Variants in C11orf58 observed in about 807,000 individuals in gnomAD.
C11orf58 encodes the protein small acidic protein.
Under a neutral mutation model 22.7 loss-of-function variants are expected in C11orf58, and 5 were observed. That is an observed-to-expected ratio of 0.22 (90% confidence interval 0.12 to 0.46). The LOEUF (loss-of-function observed/expected upper bound fraction) is 0.46, where lower values mean the gene tolerates loss of function less well. C11orf58 is among the 20% of genes least tolerant of loss of function. The pLI is 0.99. For missense variants in C11orf58, 151 were observed against 223.3 expected (o/e 0.68, Z 2.06); for synonymous variants, 71 against 70.7 (o/e 1.00, Z -0.02).
At chr11:16,752,982 A>G in intron 4 of C11orf58, 88 bp downstream of exon 4, 1 of 980,860 alleles carries the variant, frequency 1.0e-6, no homozygotes, top group Non-Finnish European at 1.5e-6. Context: ...GCAATCAAGA[A>G]TCCCATGTAG....
Position 16,752,824 on chromosome 11 carries a change from A to C in C11orf58, c.248A>C (p.Gln83Pro), listed in dbSNP as rs746556437. The change falls in exon 4 of 5, where the codon CAA becomes CCA. Residue 83 changes from glutamine to proline, a missense_variant. Physicochemically the swap from Gln to Pro is moderately conservative, Grantham distance 76 (BLOSUM62 -1). Around this residue, in one of 3 missense-constraint regions of C11orf58, gnomAD observed 112 missense variants for 162.6 expected, o/e 0.69. Coordinates refer to ENST00000228136, the MANE Select transcript of C11orf58 (RefSeq NM_014267.6). ...AAAATTAATGAAGAACTGGAGTCTC[A>C]ATATCAGCAAAGTATGGACAGTAAA... Reference protein sequence around the residue: ...DKKINEELESQYQQSMDSKLS... With the variant: ...DKKINEELESPYQQSMDSKLS... 6.2e-7 allele frequency: 1 copy of C among 1,613,224 alleles called. No individual in the cohort carries two copies. Among genetic ancestry groups the C allele is most frequent in the Non-Finnish European group, 8.5e-7 (1 of 1,179,764 alleles).
chr11:16,739,014 G>A (rs1050625703), intron 1 of C11orf58, among the ~76,000 whole-genome samples, 173 bp downstream of exon 1: 11 of 152,112 alleles, frequency 7.2e-5, no homozygotes, highest in African/African-American at 9.7e-5. Flanking sequence ...AGGGTCAGAA[G>A]GTTTGAAGAG....
chr11:16,744,748 T>G (rs1848475400), intron 2 of C11orf58, 64 bp downstream of exon 2: 1 of 1,433,922 alleles, frequency 7.0e-7, no homozygotes, highest in African/African-American at 1.4e-5. Flanking sequence ...TTATGTATGC[T>G]AAGTAAGAAG....
Position 16,738,697 on chromosome 11 carries a change from T to G in C11orf58, c.-82T>G, listed in dbSNP as rs1846936. On this transcript the variant is annotated 5_prime_UTR_variant, in exon 1 of 5. Transcript: ENST00000228136. The stretch of plus-strand genomic sequence containing the variant: ...TTCTGTAGTGGCGCTGCTTGGGCCC[T>G]TGGCGGATTGTAAGCTGCTGGTTTT... 0.83 allele frequency: 1,223,645 copies of G among 1,480,526 alleles called. 506,657 individuals carry two copies. Among genetic ancestry groups the G allele is most frequent in the East Asian group, 0.89 (39,397 of 44,164 alleles). The allele number at this position is 1,480,526 out of a possible 1,614,324, so 91.7% of individuals were successfully genotyped here.
intron 1 of C11orf58, among the ~76,000 whole-genome samples, 166 bp downstream of exon 1, chr11:16,739,007 G>A (rs1296476247): frequency 6.6e-6 from 1 of 152,100 alleles, no homozygotes; most frequent in Non-Finnish European, 1.5e-5. Context: ...CTTTATGAGG[G>A]TCAGAAGGTT....
rs35980375 is a variant in C11orf58 at position 16,751,500 on chromosome 11, G to GAA, written c.209-1271_209-1270dup. 679 of 143,338 alleles carry GAA rather than the reference G, an allele frequency of 4.7e-3. 7 individuals are homozygous for GAA. The highest frequency in any genetic ancestry group is 4.3e-3 in the Non-Finnish European group (285 of 65,776). 8.9% of individuals were successfully genotyped at this position (143,338 alleles called of 1,614,324 possible). A position where few individuals can be genotyped will look rare whatever the true frequency, so the allele number is the denominator to read the frequency against. ...CTGGGCAAGAGAGCGAGACTCCCTC[G>GAA]AAAAAAAAAAAAAAACTTGCTTACT... On this transcript the variant is annotated intron_variant, in intron 3 of 4. Coordinates refer to ENST00000228136, the MANE Select transcript of C11orf58 (RefSeq NM_014267.6).
At position 16,752,633 on chromosome 11, in the gene C11orf58, G is replaced by A. The variant is rs920535235; in HGVS notation, c.209-152G>A. The A allele has an allele frequency of 1.6e-5, 7 of 441,268 alleles. No homozygotes were observed. In the Admixed American group the frequency reaches 2.5e-4, roughly 16 times the overall value. The allele number at this position is 441,268 out of a possible 1,614,324, so 27.3% of individuals were successfully genotyped here. On this transcript the variant is annotated intron_variant, in intron 3 of 4. Coordinates refer to ENST00000228136, the MANE Select transcript of C11orf58 (RefSeq NM_014267.6). ...ACATCAGGCATTTTATTTTCTATTA[G>A]GTAACCACCTATGGCATAAATTCTC...
chr11:16,743,178 T>C (rs957094607), intron 1 of C11orf58, among the ~76,000 whole-genome samples: 5 of 152,248 alleles, frequency 3.3e-5, no homozygotes, highest in African/African-American at 1.2e-4. Context: ...TGAATATTTT[T>C]ATTTCATTTT....
chr11:16,751,674 G>T (rs1270872841), intron 3 of C11orf58: 1 of 152,160 alleles, frequency 6.6e-6, no homozygotes, highest in East Asian at 1.9e-4. Context: ...CATTAGCAGA[G>T]ATTTTAAAAG....
At chr11:16,746,136 A>G (rs1848485743) in intron 2 of C11orf58, among the ~76,000 whole-genome samples, 1 of 152,254 alleles carries the variant, frequency 6.6e-6, no homozygotes, top group South Asian at 2.1e-4. Context: ...TAGCAGTGCA[A>G]GAAAGCTTCC....
At position 16,756,577 on chromosome 11, in the gene C11orf58, T is replaced by C. The variant is rs1309973895; in HGVS notation, c.*1473T>C. Among the ~76,000 whole-genome samples, 3 of 150,114 alleles carry C rather than the reference T, an allele frequency of 2.0e-5. No individual in the cohort carries two copies. Among genetic ancestry groups the C allele is most frequent in the East Asian group, 2.1e-4 (1 of 4,830 alleles). On this transcript the variant is annotated 3_prime_UTR_variant, in exon 5 of 5. Transcript: ENST00000228136. ...AGCCACCACGCCCAGCCTTGGAGTGTTGGAATTTTTAAAAATTATTCTTAT... is the reference window on the plus strand; with the variant it reads ...AGCCACCACGCCCAGCCTTGGAGTGCTGGAATTTTTAAAAATTATTCTTAT...
At chr11:16,749,435 C>T (rs1848513864) in intron 3 of C11orf58, 1 of 152,206 alleles carries the variant, frequency 6.6e-6, no homozygotes, top group Admixed American at 6.5e-5. Context: ...TCAACTGCCA[C>T]ATTTACTCTT....
intron 1 of C11orf58, among the ~76,000 whole-genome samples, chr11:16,740,069 G>T (rs1848433542): frequency 6.6e-6 from 1 of 152,188 alleles, no homozygotes; most frequent in Admixed American, 6.5e-5. Context: ...CTTGCTCTCT[G>T]TTATTTCTGC....
intron 3 of C11orf58, chr11:16,748,996 G>A (rs1027207565): frequency 3.9e-5 from 6 of 152,200 alleles, no homozygotes; most frequent in African/African-American, 1.2e-4. Flanking sequence ...AGCATATAAT[G>A]TCATAGTTGG....
intron 3 of C11orf58, chr11:16,750,756 A>C (rs985536836): frequency 6.5e-6 from 1 of 153,772 alleles, no homozygotes. Flanking sequence ...CAGCTGCAGA[A>C]CTATTCAAGT....
At chr11:16,740,648 C>T (rs1203715442) in intron 1 of C11orf58, among the ~76,000 whole-genome samples, 1 of 152,068 alleles carries the variant, frequency 6.6e-6, no homozygotes, top group Non-Finnish European at 1.5e-5. Flanking sequence ...TCTCCAACTA[C>T]TAGACCCAAG....
At chr11:16,745,596 A>C (rs12796433) in intron 2 of C11orf58, among the ~76,000 whole-genome samples, 2 of 152,216 alleles carry the variant, frequency 1.3e-5, no homozygotes, top group South Asian at 2.1e-4. Context: ...GAGTGGGCTG[A>C]AAAGGAGGGA....
intron 1 of C11orf58, chr11:16,744,311 G>T: frequency 3.2e-6 from 1 of 312,812 alleles, no homozygotes; most frequent in South Asian, 4.6e-5. Context: ...AATCTCTGGG[G>T]CTGTAGCCCT....
rs1449126637 is a variant in C11orf58 at position 16,752,914 on chromosome 11, C to A, written c.318+20C>A. 4 of 1,552,288 alleles carry A rather than the reference C, an allele frequency of 2.6e-6. No individual in the cohort carries two copies. The highest frequency in any genetic ancestry group is 2.7e-6 in the Non-Finnish European group (3 of 1,130,292). ...AGTGAGGTAGTAATTAACTTATTTT[C>A]ATTGGGAAGATAATTAGTTTTCAAT... On this transcript the variant is annotated intron_variant, in intron 4 of 4. Transcript: ENST00000228136.
Sources: allele counts gnomAD v4.1 joint callset (sites outside exome capture counted in the v4.1 genomes callset), GRCh38; gene constraint gnomAD v4.1.1; regional missense constraint gnomAD v4.1.1; transcripts MANE v1.5; gene names NCBI Gene and HGNC (gene_info 2026-07-23, HGNC 2026-07-21).